ACTN1: variants seen among roughly 807,000 people sequenced by gnomAD.
ACTN1 encodes the protein actinin alpha 1, also known as alpha-actinin-1.
Under a neutral mutation model 119.6 loss-of-function variants are expected in ACTN1, and 30 were observed. The ratio of observed to expected loss-of-function variants is 0.25; its 90% CI spans 0.19 to 0.34. The LOEUF is 0.34. Among genes scored for constraint, ACTN1 ranks in the 10% least tolerant of loss-of-function variants. ACTN1 has a pLI of 1.00. For synonymous variants in ACTN1, 429 were observed against 472.6 expected, an observed-to-expected ratio of 0.91 and a Z score of 1.20; for missense variants, 764 against 1,223.4, an observed-to-expected ratio of 0.62 and a Z score of 5.60.
At chr14:68,907,902 A>C (rs1392322282) in intron 6 of ACTN1, among the ~76,000 whole-genome samples, 3 of 152,230 alleles carry the variant, frequency 2.0e-5, no homozygotes, top group Admixed American at 1.3e-4. Flanking sequence ...CATCAGCTGA[A>C]TAGGAAGTGG....
At chr14:68,973,099 G>T (rs2036944224) in intron 1 of ACTN1, among the ~76,000 whole-genome samples, 1 of 152,176 alleles carries the variant, frequency 6.6e-6, no homozygotes, top group African/African-American at 2.4e-5. Flanking sequence ...TAACCCCCTG[G>T]TACGACATGA....
At chr14:68,941,595 T>C (rs2035763141) in intron 1 of ACTN1, among the ~76,000 whole-genome samples, 1 of 152,150 alleles carries the variant, frequency 6.6e-6, no homozygotes, top group Non-Finnish European at 1.5e-5. Context: ...TCTCAACTGG[T>C]TTGGTAAGGA....
chr14:68,933,491 T>C (rs59245623), intron 1 of ACTN1, among the ~76,000 whole-genome samples: 4,032 of 152,196 alleles, frequency 0.026, 180 homozygotes, highest in African/African-American at 0.091. Flanking sequence ...TGGGCTATCC[T>C]TTGTTTTTCT....
chr14:68,895,664 C>T (rs2032821884), intron 8 of ACTN1, among the ~76,000 whole-genome samples: 1 of 152,220 alleles, frequency 6.6e-6, no homozygotes, highest in South Asian at 2.1e-4. Flanking sequence ...TCATAACTGG[C>T]ACGAAGCAAC....
rs1400763968 is a variant in ACTN1, at chr14:68,936,807, G to A, written c.106-11135C>T. The A allele has an allele frequency of 2.5e-5, 15 of 605,464 alleles. 1 individual carries two copies. Among genetic ancestry groups the A allele is most frequent in the Admixed American group, 1.5e-4 (8 of 53,288 alleles). The allele number at this position is 605,464 out of a possible 1,614,324, so 37.5% of individuals were successfully genotyped here. On this transcript the variant is annotated intron_variant, in intron 1 of 21. Transcript: ENST00000394419. ...GCTGAAGGACACTTGTGGTGCCAAC[G>A]CCAAGCAATCCCAGAACTGCTTCTG...
intron 3 of ACTN1, among the ~76,000 whole-genome samples, chr14:68,920,704 G>A (rs1266036043): frequency 6.6e-6 from 1 of 152,176 alleles, no homozygotes; most frequent in Non-Finnish European, 1.5e-5. Flanking sequence ...CGTGCAGTCA[G>A]GCCTCTGGAT....
At chr14:68,881,840 G>A (rs1185321981) in intron 16 of ACTN1, among the ~76,000 whole-genome samples, 1 of 151,978 alleles carries the variant, frequency 6.6e-6, no homozygotes, top group Non-Finnish European at 1.5e-5. Flanking sequence ...GAGGAGGAGA[G>A]GAAGGGGAGG....
chr14:68,947,018 G>C (rs2035966606), intron 1 of ACTN1, among the ~76,000 whole-genome samples: 1 of 152,164 alleles, frequency 6.6e-6, no homozygotes, highest in African/African-American at 2.4e-5. Context: ...CATTCCAATG[G>C]GCCCCCGTGA....
intron 13 of ACTN1, 58 bp downstream of exon 13, chr14:68,884,717 G>A (rs1566596323): frequency 2.1e-6 from 3 of 1,404,112 alleles, no homozygotes; most frequent in African/African-American, 1.4e-5. Context: ...CAAGAAGCAG[G>A]AAGGGGCACC....
chr14:68,963,671 G>A (rs2036611266), intron 1 of ACTN1, among the ~76,000 whole-genome samples: 1 of 152,204 alleles, frequency 6.6e-6, no homozygotes, highest in African/African-American at 2.4e-5. Context: ...CCTGCAACTT[G>A]CCTAGCATGG....
intron 1 of ACTN1, among the ~76,000 whole-genome samples, chr14:68,966,491 G>A (rs4902682): frequency 0.24 from 37,157 of 152,018 alleles, 4,912 homozygotes; most frequent in African/African-American, 0.31. Flanking sequence ...CTGAGGCCCC[G>A]GTACCTAACA....
intron 1 of ACTN1, among the ~76,000 whole-genome samples, chr14:68,970,264 C>G (rs2036839926): frequency 6.6e-6 from 1 of 152,128 alleles, no homozygotes; most frequent in Non-Finnish European, 1.5e-5. Context: ...AGGTTCAAAG[C>G]TGGGGGTCAG....
chr14:68,894,934 G>A (rs1323741551), intron 8 of ACTN1, among the ~76,000 whole-genome samples: 1 of 152,070 alleles, frequency 6.6e-6, no homozygotes, highest in African/African-American at 2.4e-5. Context: ...GAATGACTAA[G>A]ATGGAAGACG....
chr14:68,941,305 G>A (rs2035755666), intron 1 of ACTN1, among the ~76,000 whole-genome samples: 1 of 152,196 alleles, frequency 6.6e-6, no homozygotes, highest in Admixed American at 6.5e-5. Flanking sequence ...CACCTGGAGG[G>A]CTTGTTAAAA....
chr14:68,950,230 G>A (rs1177853212), intron 1 of ACTN1, among the ~76,000 whole-genome samples: 1 of 150,270 alleles, frequency 6.7e-6, no homozygotes, highest in African/African-American at 2.5e-5. Context: ...AGAGGAGGAG[G>A]TTGCAGTAAG....
At chr14:68,919,478 T>C (rs1461553956) in intron 3 of ACTN1, among the ~76,000 whole-genome samples, 2 of 152,266 alleles carry the variant, frequency 1.3e-5, no homozygotes, top group Non-Finnish European at 2.9e-5. Context: ...TCTTTTCTTA[T>C]TATAAGGCAG....
intron 8 of ACTN1, among the ~76,000 whole-genome samples, chr14:68,901,182 T>C (rs2033285803): frequency 7.0e-6 from 1 of 143,166 alleles, no homozygotes; most frequent in Non-Finnish European, 1.5e-5. Flanking sequence ...GGGGCTCCCA[T>C]CATGCATTTT....
chr14:68,939,970 T>C (rs1469865020), intron 1 of ACTN1, among the ~76,000 whole-genome samples: 3 of 152,234 alleles, frequency 2.0e-5, no homozygotes, highest in African/African-American at 7.2e-5. Flanking sequence ...CTAGTTCAGC[T>C]ACTGAACAGT....
rs759624231 is a variant in ACTN1 at position 68,885,542 on chromosome 14, T to C, written c.1268A>G (p.Glu423Gly). 5.0e-5 allele frequency: 81 copies of C among 1,613,820 alleles called. No homozygotes were observed. Among genetic ancestry groups the C allele is most frequent in the Non-Finnish European group, 6.7e-5 (79 of 1,180,010 alleles). The change falls in exon 12 of 22, where the codon GAG (glutamate) becomes GGG (glycine). Residue 423 changes from glutamate to glycine, a missense_variant. Coordinates refer to ENST00000394419, the MANE Select transcript of ACTN1 (RefSeq NM_001130004.2). The surrounding 1 kb of genome is among the most constrained non-coding windows in gnomAD (Gnocchi z 5.6). ...CTTGATCTCCGAGAGGGTGGCGGTC[T>C]CATAGTCCTTCTGTCGCAGCATGGC... ...KEAMLRQKDY[E>G]TATLSEIKAL...
Sources: allele counts gnomAD v4.1 joint callset (sites outside exome capture counted in the v4.1 genomes callset), GRCh38; gene constraint gnomAD v4.1.1; non-coding constraint Gnocchi (gnomAD v3.1); transcripts MANE v1.5; gene names NCBI Gene and HGNC (gene_info 2026-07-23, HGNC 2026-07-21).